IARS1: variants seen among roughly 807,000 people sequenced by gnomAD.
IARS1 encodes the protein isoleucyl-tRNA synthetase 1.
Under a neutral mutation model 168.2 loss-of-function variants are expected in IARS1, and 124 were observed. That is an observed-to-expected ratio of 0.74 (90% confidence interval 0.64 to 0.86). IARS1 has a LOEUF of 0.86. Ranked by LOEUF, IARS1 falls within the 40% of genes least tolerant of loss-of-function variation. The probability of loss-of-function intolerance (pLI) is 0.00; values close to 1 mark genes in which losing one functional copy is unlikely to be tolerated. For missense variants in IARS1, 1,452 were observed against 1,515.8 expected, an observed-to-expected ratio of 0.96 and a Z score of 0.70; for synonymous variants, 532 against 529.4, an observed-to-expected ratio of 1.00 and a Z score of -0.07.
At chr9:92,236,031 G>A (rs1181291967) in intron 30 of IARS1, among the ~76,000 whole-genome samples, 3 of 151,370 alleles carry the variant, frequency 2.0e-5, no homozygotes, top group Admixed American at 1.3e-4. Context: ...GGCCTGGGCT[G>A]GAGTGCAATG....
At chr9:92,243,860 T>C (rs1170959500) in intron 27 of IARS1, among the ~76,000 whole-genome samples, 1 of 152,256 alleles carries the variant, frequency 6.6e-6, no homozygotes. Flanking sequence ...AAGGTTAATG[T>C]TTCTATCTCA....
intron 5 of IARS1, 72 bp downstream of exon 5, chr9:92,286,464 T>C (rs1835481321): frequency 5.3e-6 from 4 of 755,580 alleles, no homozygotes; most frequent in Non-Finnish European, 9.1e-6. Flanking sequence ...TGATTCATGC[T>C]AGTGCATTTT....
chr9:92,218,013 CA>C (rs1159552953), intron 33 of IARS1, among the ~76,000 whole-genome samples: 3 of 151,924 alleles, frequency 2.0e-5, no homozygotes, highest in African/African-American at 4.8e-5. Flanking sequence ...AACATTGATG[CA>C]AAAATCCTCA....
At chr9:92,273,049 T>C (rs561417275) in intron 10 of IARS1, among the ~76,000 whole-genome samples, 3 of 151,208 alleles carry the variant, frequency 2.0e-5, no homozygotes, top group African/African-American at 7.3e-5. Context: ...GGAGAATCGC[T>C]TGAACCCAGG....
intron 25 of IARS1, 76 bp downstream of exon 25, chr9:92,249,782 T>A: frequency 1.4e-6 from 1 of 722,698 alleles, no homozygotes; most frequent in Non-Finnish European, 2.4e-6. Flanking sequence ...AGAGTCAATA[T>A]GTACTTTGAG....
chr9:92,247,445 G>T lies in IARS1; in HGVS notation c.2723C>A (p.Ala908Asp), dbSNP rs747531283. Residue 908 changes from alanine (A) to aspartate (D), a missense_variant, in exon 26 of 34, where the codon GCC becomes GAC. Physicochemically the swap from Ala to Asp is moderately radical, Grantham distance 126 (BLOSUM62 -2). Coordinates refer to ENST00000443024, the MANE Select transcript of IARS1 (RefSeq NM_002161.6). ...GATGGACGTCATCACTGCCTTAAAGGCTCCCTTCAGACGCTTCCCCAGGAC... is the reference window on the plus strand; with the variant it reads ...GATGGACGTCATCACTGCCTTAAAGTCTCCCTTCAGACGCTTCCCCAGGAC... Reference protein sequence around the residue: ...HMVLGKRLKGAFKAVMTSIKQ... With the variant: ...HMVLGKRLKGDFKAVMTSIKQ... 5.0e-6 allele frequency: 8 copies of T among 1,614,002 alleles called. No individual in the cohort carries two copies. In the Admixed American group the frequency reaches 5.0e-5, roughly 10 times the overall value.
chr9:92,220,364 A>G (rs940916473), intron 33 of IARS1, among the ~76,000 whole-genome samples: 6 of 150,732 alleles, frequency 4.0e-5, no homozygotes, highest in Non-Finnish European at 8.9e-5. Context: ...ACATGTATAC[A>G]TATGTAACTA....
chr9:92,292,062 G>A (rs1324041417), intron 1 of IARS1, among the ~76,000 whole-genome samples: 1 of 148,622 alleles, frequency 6.7e-6, no homozygotes, highest in Non-Finnish European at 1.5e-5. Flanking sequence ...TGTCACCTAG[G>A]CTGGAGTGCA....
chr9:92,214,078 C>T (rs753100829), intron 33 of IARS1, among the ~76,000 whole-genome samples: 6 of 151,930 alleles, frequency 3.9e-5, no homozygotes, highest in East Asian at 3.9e-4. Context: ...TGAGCCACCA[C>T]GCAGACCCAG....
intron 33 of IARS1, among the ~76,000 whole-genome samples, chr9:92,215,826 G>A (rs574991475): frequency 6.6e-6 from 1 of 152,134 alleles, no homozygotes; most frequent in South Asian, 2.1e-4. Flanking sequence ...GGGGAGAATG[G>A]AACCAAGTTG....
At chr9:92,265,387 G>T in intron 15 of IARS1, 93 bp downstream of exon 15, 1 of 1,157,242 alleles carries the variant, frequency 8.6e-7, no homozygotes. Context: ...CAGCAAGCTA[G>T]TCACTTCCAT....
intron 20 of IARS1, 64 bp downstream of exon 20, chr9:92,256,616 T>G: frequency 6.9e-7 from 1 of 1,454,242 alleles, no homozygotes; most frequent in Non-Finnish European, 9.4e-7. Flanking sequence ...CTATTAAATA[T>G]CAAAAGGGCA....
chr9:92,289,787 G>T (rs1407706211), intron 1 of IARS1, among the ~76,000 whole-genome samples: 2 of 152,114 alleles, frequency 1.3e-5, no homozygotes, highest in African/African-American at 2.4e-5. Context: ...CATATAAATG[G>T]GAAAATTTAT....
chr9:92,244,592 G>C (rs1828911892), intron 27 of IARS1, among the ~76,000 whole-genome samples: 1 of 151,996 alleles, frequency 6.6e-6, no homozygotes, highest in South Asian at 2.1e-4. Context: ...CCTATTTTTG[G>C]ATAGGAGCCC....
intron 31 of IARS1, among the ~76,000 whole-genome samples, chr9:92,227,421 G>T (rs1375357985): frequency 6.8e-6 from 1 of 147,300 alleles, no homozygotes; most frequent in Non-Finnish European, 1.5e-5. Flanking sequence ...CAGGGCGGCT[G>T]GCCGGGCGGG....
chr9:92,230,427 T>C (rs1355704232), intron 30 of IARS1, among the ~76,000 whole-genome samples: 1 of 152,184 alleles, frequency 6.6e-6, no homozygotes, highest in African/African-American at 2.4e-5. Flanking sequence ...TTGGCATCAA[T>C]TTCTAAGGAT....
chr9:92,233,219 A>G (rs1826984268), intron 30 of IARS1, among the ~76,000 whole-genome samples: 1 of 152,238 alleles, frequency 6.6e-6, no homozygotes, highest in Non-Finnish European at 1.5e-5. Flanking sequence ...TAGAAATCTG[A>G]TAGCCTGGTC....
At chr9:92,283,043 T>C (rs1370975531) in intron 6 of IARS1, among the ~76,000 whole-genome samples, 2 of 151,940 alleles carry the variant, frequency 1.3e-5, no homozygotes, top group African/African-American at 2.4e-5. Flanking sequence ...TTAGTAGAGA[T>C]GGGGTTTTGT....
At chr9:92,215,726 A>G (rs1447211711) in intron 33 of IARS1, among the ~76,000 whole-genome samples, 1 of 151,848 alleles carries the variant, frequency 6.6e-6, no homozygotes, top group Non-Finnish European at 1.5e-5. Context: ...TAGAGAAAAA[A>G]GAATAAAACG....
Sources: gnomAD v4.1 joint callset for allele counts (sites outside exome capture counted in the v4.1 genomes callset) on GRCh38, gnomAD v4.1.1 for gene constraint, MANE v1.5 for transcripts, NCBI Gene and HGNC (gene_info 2026-07-23, HGNC 2026-07-21) for gene names.